The following IGDCC4 variants were observed in gnomAD, a reference collection of about 807,000 sequenced individuals.
IGDCC4 encodes the protein likely ortholog of mouse neighbor of Punc E11.
IGDCC4 carries 72 observed loss-of-function variants against 116.6 expected under a neutral mutation model. That is an observed-to-expected ratio of 0.62 (90% CI 0.51 to 0.75). The LOEUF (loss-of-function observed/expected upper bound fraction) is 0.75. Ranked by LOEUF, IGDCC4 falls within the 30% of genes least tolerant of loss-of-function variation. The pLI is 0.00. For missense variants in IGDCC4, 1,501 were observed against 1,662.4 expected, an observed-to-expected ratio of 0.90 and a Z score of 1.69; for synonymous variants, 709 against 719.9, an observed-to-expected ratio of 0.98 and a Z score of 0.24.
rs753260580 is a variant in IGDCC4, at chr15:65,395,278, G to A, written c.1412-20C>T. Reference sequence around the variant, plus strand: ...CCATGCCTGGTGACACGGGGGACAAGGGGACTGTCATAGTGCCACCCCCCC... The same window carrying A: ...CCATGCCTGGTGACACGGGGGACAAAGGGACTGTCATAGTGCCACCCCCCC... On this transcript the variant is annotated intron_variant, in intron 7 of 19. Transcript: ENST00000352385. The A allele has an allele frequency of 5.6e-6, 9 of 1,600,010 alleles. No homozygotes were observed. The highest frequency in any genetic ancestry group is 7.7e-6 in the Non-Finnish European group (9 of 1,169,466).
chr15:65,411,984 T>C (rs936613541), intron 1 of IGDCC4, among the ~76,000 whole-genome samples: 2 of 152,344 alleles, frequency 1.3e-5, no homozygotes, highest in Admixed American at 1.3e-4. Flanking sequence ...GTGAATTTTG[T>C]AGTACGTGAA....
intron 3 of IGDCC4, among the ~76,000 whole-genome samples, chr15:65,409,226 C>T (rs1012375329): frequency 1.3e-5 from 2 of 152,092 alleles, no homozygotes; most frequent in Admixed American, 1.3e-4. Context: ...CAACCCCCAT[C>T]CTTACCTACA....
intron 4 of IGDCC4, among the ~76,000 whole-genome samples, chr15:65,401,680 G>A (rs2062987802): frequency 6.6e-6 from 1 of 152,158 alleles, no homozygotes; most frequent in African/African-American, 2.4e-5. Flanking sequence ...CTTGAAGTGA[G>A]ATCTGTTGAG....
chr15:65,413,023 A>AGTGTGTGTGTGT (rs1567093911), intron 1 of IGDCC4, among the ~76,000 whole-genome samples: 2 of 105,404 alleles, frequency 1.9e-5, no homozygotes, highest in African/African-American at 1.0e-4. Context: ...AGTGTGAGAA[A>AGTGTGTGTGTGT]ATGTGTGTGT....
chr15:65,410,990 C>T, intron 2 of IGDCC4, 30 bp downstream of exon 2: 1 of 1,562,052 alleles, frequency 6.4e-7, no homozygotes, highest in South Asian at 1.2e-5. Context: ...GGGTTTCAGC[C>T]TCAGACCCCC....
In IGDCC4 at chr15:65,384,196, A is replaced by G. The variant is rs1384168337; in HGVS notation, c.3566T>C (p.Leu1189Pro). The change falls in exon 20 of 20, where the codon CTG (leucine) becomes CCG (proline). Residue 1189 changes from leucine to proline, a missense_variant. By Grantham distance (98) the Leu-to-Pro change is moderately conservative (BLOSUM62 -3). This residue lies in a region of IGDCC4 where 368 missense variants were observed against 355.6 expected (regional missense o/e 1.03). Transcript: ENST00000352385. This position sits in a 1 kb window ranked among gnomAD's most constrained non-coding sequence, Gnocchi z 4.9. ...WLDRELGGCE[L>P]AAPGPDRLTC... ...AAGTCTGTCTGGCCCGGGGGCTGCC[A>G]GCTCACACCCTCCCAACTCCCTGTC... The G allele has an allele frequency of 6.8e-6, 11 of 1,610,530 alleles. No homozygotes were observed. The highest frequency in any genetic ancestry group is 1.3e-5 in the African/African-American group (1 of 74,838).
Position 65,388,824 on chromosome 15 carries a change from G to T in IGDCC4, c.2691C>A (p.Thr897=). The change falls in exon 15 of 20, where the codon ACC becomes ACA. Residue 897 remains threonine (T), a synonymous_variant. Coordinates refer to ENST00000352385, the MANE Select transcript of IGDCC4 (RefSeq NM_020962.3). ...SNHTQPEHQW[T]LLTTQGNIFS... ...AGCCCTCACCCTGCGTGGTGAGCAA[G>T]GTCCACTGGTGCTCAGGCTGCGTGT... 6.2e-7 allele frequency: 1 copy of T among 1,614,074 alleles called. No individual in the cohort carries two copies. Among genetic ancestry groups the T allele is most frequent in the African/African-American group, 1.3e-5 (1 of 75,058 alleles).
At position 65,389,349 on chromosome 15, in the gene IGDCC4, T is replaced by C; in HGVS notation, c.2471A>G (p.Gln824Arg). The change falls in exon 14 of 20, where the codon CAG becomes CGG. Residue 824 changes from glutamine to arginine, a missense_variant. Around this residue, in one of 3 missense-constraint regions of IGDCC4, gnomAD observed 235 missense variants for 328.0 expected, o/e 0.72. Coordinates refer to ENST00000352385, the MANE Select transcript of IGDCC4 (RefSeq NM_020962.3). ...CCCATCCATGTCCACGCCGTGAGAC[T>C]GCACTGCAAACTCGTATTTGGTGAA... The part of the protein sequence containing the change: ...KPFTKYEFAV[Q>R]SHGVDMDGPF... 1.9e-6 allele frequency: 3 copies of C among 1,614,196 alleles called. No individual in the cohort carries two copies. Among genetic ancestry groups the C allele is most frequent in the Non-Finnish European group, 2.5e-6 (3 of 1,180,032 alleles).
chr15:65,386,964 C>A (rs1040480282), intron 16 of IGDCC4, among the ~76,000 whole-genome samples: 1 of 152,188 alleles, frequency 6.6e-6, no homozygotes, highest in South Asian at 2.1e-4. Context: ...TGCAGGTGCG[C>A]AGACCCCATG....
rs138352612 is a variant in IGDCC4 at position 65,403,949 on chromosome 15, C to A, written c.564-1462G>T. Among the ~76,000 whole-genome samples the A allele has an allele frequency of 5.3e-3, 799 of 152,168 alleles. 10 individuals carry two copies. Among genetic ancestry groups the A allele is most frequent in the African/African-American group, 0.018 (755 of 41,502 alleles). On this transcript the variant is annotated intron_variant, in intron 3 of 19. Transcript: ENST00000352385. ...TCCCTCGGAATCCTCCAACTGGGAT[C>A]CCTACAGGGTCAGCTCCAGGTTGAG... is the stretch of plus-strand genomic sequence containing the variant.
intron 13 of IGDCC4, 70 bp downstream of exon 13, chr15:65,390,085 T>A: frequency 7.3e-7 from 1 of 1,377,794 alleles, no homozygotes; most frequent in Non-Finnish European, 1.0e-6. Context: ...CACCACCTGC[T>A]GCCTTCCCAC....
chr15:65,413,209 G>A (rs987055157), intron 1 of IGDCC4, among the ~76,000 whole-genome samples: 6 of 152,148 alleles, frequency 3.9e-5, no homozygotes, highest in African/African-American at 1.4e-4. Context: ...GCCCCAGGTA[G>A]GGACTAGACT....
At chr15:65,391,368 T>C (rs1252838248) in intron 12 of IGDCC4, among the ~76,000 whole-genome samples, 1 of 152,158 alleles carries the variant, frequency 6.6e-6, no homozygotes, top group Non-Finnish European at 1.5e-5. Flanking sequence ...CAAGGCAGTG[T>C]AGTGCAGTGG....
chr15:65,412,328 A>G (rs890412919), intron 1 of IGDCC4, among the ~76,000 whole-genome samples: 1 of 151,934 alleles, frequency 6.6e-6, no homozygotes, highest in Admixed American at 6.6e-5. Context: ...CCTGACCAAC[A>G]TGGTGAAACC....
rs764067833 is a variant in IGDCC4 at position 65,384,397 on chromosome 15, G to T, written c.3365C>A (p.Pro1122His). The T allele has an allele frequency of 2.0e-6, 3 of 1,519,192 alleles. No individual in the cohort carries two copies. The highest frequency in any genetic ancestry group is 2.1e-5 in the Admixed American group (1 of 46,564). The allele number at this position is 1,519,192 out of a possible 1,614,324, so 94.1% of individuals were successfully genotyped here. The change falls in exon 20 of 20, where the codon CCC becomes CAC. Residue 1122 changes from proline (P) to histidine (H), a missense_variant. Transcript: ENST00000352385. This position sits in a 1 kb window ranked among gnomAD's most constrained non-coding sequence, Gnocchi z 4.9. Reference protein sequence around the residue: ...AIKGNGRKKSPPACRNQVEAE... With the variant: ...AIKGNGRKKSHPACRNQVEAE... Reference sequence around the variant, plus strand: ...CTCCACCTGGTTCCTGCAGGCTGGGGGTGACTTCTTCCTCCCATTGCCCTG... The same window carrying T: ...CTCCACCTGGTTCCTGCAGGCTGGGTGTGACTTCTTCCTCCCATTGCCCTG...
intron 1 of IGDCC4, among the ~76,000 whole-genome samples, chr15:65,412,305 A>G (rs1163833287): frequency 6.6e-6 from 1 of 152,032 alleles, no homozygotes; most frequent in Non-Finnish European, 1.5e-5. Flanking sequence ...TGATGTCAGG[A>G]GTTCAAGACC....
chr15:65,386,609 G>A lies in IGDCC4; in HGVS notation c.2893C>T (p.Leu965=), dbSNP rs1348318497. 1.2e-6 allele frequency: 2 copies of A among 1,612,480 alleles called. No homozygotes were observed. Among genetic ancestry groups the A allele is most frequent in the South Asian group, 2.2e-5 (2 of 90,508 alleles). ...CAGGCCAGGAGGCAGAGGAGGCCCA[G>A]GCAGACACCCACGATGATGCCCGTG... The part of the protein sequence containing the change: ...SVTGIIVGVC[L]GLLCLLACMC... The change falls in exon 17 of 20, where the codon CTG becomes TTG. Residue 965 remains leucine (L), a synonymous_variant. Coordinates refer to ENST00000352385, the MANE Select transcript of IGDCC4 (RefSeq NM_020962.3).
chr15:65,396,068 C>T lies in IGDCC4; in HGVS notation c.1093G>A (p.Ala365Thr), dbSNP rs2062922571. The change falls in exon 7 of 20, where the codon GCG (alanine) becomes ACG (threonine). Residue 365 changes from alanine (A) to threonine (T), a missense_variant. Transcript: ENST00000352385. ...VCRASGEPRP[A>T]LRWLHNGAPL... is the part of the protein sequence containing the mutation. ...GCCCCGTTGTGCAGCCAGCGCAGCG[C>T]TGGCCGCGGCTCCCCCGACGCGCGG... The T allele has an allele frequency of 2.2e-6, 3 of 1,393,318 alleles. No individual in the cohort carries two copies. Among genetic ancestry groups the T allele is most frequent in the Non-Finnish European group, 1.8e-6 (2 of 1,081,506 alleles). 86.3% of individuals were successfully genotyped at this position (1,393,318 alleles called of 1,614,324 possible).
intron 3 of IGDCC4, among the ~76,000 whole-genome samples, chr15:65,407,509 A>G (rs2063050793): frequency 6.6e-6 from 1 of 151,484 alleles, no homozygotes; most frequent in Non-Finnish European, 1.5e-5. Flanking sequence ...TGTCCAGCTA[A>G]TTTTTGTAAT....
Sources: allele counts gnomAD v4.1 joint callset (sites outside exome capture counted in the v4.1 genomes callset), GRCh38; gene constraint gnomAD v4.1.1; regional missense constraint gnomAD v4.1.1; non-coding constraint Gnocchi (gnomAD v3.1); transcripts MANE v1.5; gene names NCBI Gene and HGNC (gene_info 2026-07-23, HGNC 2026-07-21).